The following OLA1 variants were observed in gnomAD, a reference collection of about 807,000 sequenced individuals.
OLA1 encodes the protein obg-like ATPase 1.
Under a neutral mutation model 48.4 loss-of-function variants are expected in OLA1, and 14 were observed. The observed-to-expected ratio is 0.29, with a 90% CI of 0.19 to 0.45. The LOEUF (loss-of-function observed/expected upper bound fraction) is 0.45. Ranked by LOEUF, OLA1 falls within the 20% of genes least tolerant of loss-of-function variation. OLA1 has a pLI of 1.00. For missense variants in OLA1, 325 were observed against 467.1 expected (o/e 0.70, Z 2.80); for synonymous variants, 127 against 150.4 (o/e 0.84, Z 1.14).
At chr2:174,091,751 G>A (rs956189267) in intron 7 of OLA1, among the ~76,000 whole-genome samples, 6 of 151,342 alleles carry the variant, frequency 4.0e-5, no homozygotes, top group Admixed American at 2.6e-4. Flanking sequence ...GCGGGCACCT[G>A]TAGTCCCAGC....
intron 4 of OLA1, among the ~76,000 whole-genome samples, chr2:174,144,943 A>ATATATATATATATAT (rs1436750497): frequency 5.7e-5 from 4 of 69,922 alleles, no homozygotes; most frequent in African/African-American, 1.4e-4. Context: ...AAAAAAAAAA[A>ATATATATATATATAT]AAAAAAAAAT....
chr2:174,150,377 G>C (rs726622), intron 4 of OLA1, among the ~76,000 whole-genome samples: 80,794 of 151,994 alleles, frequency 0.53, 22,057 homozygotes, highest in East Asian at 0.95. Flanking sequence ...AGCCCGCTGA[G>C]CTTGTACTTT....
intron 4 of OLA1, among the ~76,000 whole-genome samples, chr2:174,168,064 T>C (rs1687209336): frequency 6.6e-6 from 1 of 152,186 alleles, no homozygotes; most frequent in East Asian, 1.9e-4. Context: ...GGGAATTATA[T>C]GAAGGAAATT....
At chr2:174,237,216 A>C (rs990768371) in intron 2 of OLA1, among the ~76,000 whole-genome samples, 3 of 151,878 alleles carry the variant, frequency 2.0e-5, no homozygotes, top group Non-Finnish European at 2.9e-5. Context: ...AAACACCGAG[A>C]CATAAACACA....
intron 7 of OLA1, among the ~76,000 whole-genome samples, chr2:174,093,280 C>G (rs1384598062): frequency 6.6e-6 from 1 of 151,958 alleles, no homozygotes; most frequent in East Asian, 1.9e-4. Flanking sequence ...GACCCCATCT[C>G]TATGAATAAA....
chr2:174,230,482 C>G (rs1275062329), intron 2 of OLA1, among the ~76,000 whole-genome samples: 3 of 152,116 alleles, frequency 2.0e-5, no homozygotes, highest in Non-Finnish European at 4.4e-5. Flanking sequence ...CATCCCCTAA[C>G]AAATTAATGG....
intron 4 of OLA1, among the ~76,000 whole-genome samples, chr2:174,221,348 C>T (rs930181536): frequency 7.9e-5 from 12 of 152,098 alleles, no homozygotes; most frequent in Admixed American, 7.9e-4. Context: ...TTATTACCAA[C>T]ATCATCAGGA....
At chr2:174,164,747 TAGCTCCCCA>T (rs1291461591) in intron 4 of OLA1, among the ~76,000 whole-genome samples, 2 of 152,226 alleles carry the variant, frequency 1.3e-5, no homozygotes, top group Non-Finnish European at 2.9e-5. Flanking sequence ...TACTCTCTTC[TAGCTCCCCA>T]ACTACTGCTT....
intron 4 of OLA1, among the ~76,000 whole-genome samples, chr2:174,213,346 G>C (rs1169416200): frequency 6.6e-6 from 1 of 152,150 alleles, no homozygotes; most frequent in Non-Finnish European, 1.5e-5. Flanking sequence ...TGAATAGCCT[G>C]ACAGTAGGTA....
chr2:174,232,287 C>T (rs1044594210), intron 2 of OLA1, among the ~76,000 whole-genome samples: 1 of 152,176 alleles, frequency 6.6e-6, no homozygotes, highest in Non-Finnish European at 1.5e-5. Flanking sequence ...CAAATTCCCA[C>T]AGCATTCTGA....
chr2:174,198,204 G>A (rs13415125), intron 4 of OLA1, among the ~76,000 whole-genome samples: 7,277 of 152,052 alleles, frequency 0.048, 597 homozygotes, highest in African/African-American at 0.17. Context: ...CTTGTGATCC[G>A]CCTGCCTTGG....
At chr2:174,169,736 C>G (rs1387517278) in intron 4 of OLA1, among the ~76,000 whole-genome samples, 2 of 152,130 alleles carry the variant, frequency 1.3e-5, no homozygotes, top group Non-Finnish European at 2.9e-5. Flanking sequence ...AGAAAAGCAT[C>G]AAAAATGGCA....
intron 7 of OLA1, among the ~76,000 whole-genome samples, chr2:174,121,533 A>G (rs1685915124): frequency 6.6e-6 from 1 of 151,506 alleles, no homozygotes; most frequent in Non-Finnish European, 1.5e-5. Context: ...CCCCCAAGAC[A>G]TACACACACC....
At chr2:174,149,609 T>C (rs957164143) in intron 4 of OLA1, among the ~76,000 whole-genome samples, 2 of 152,216 alleles carry the variant, frequency 1.3e-5, no homozygotes, top group Non-Finnish European at 1.5e-5. Flanking sequence ...TTTCTGTACC[T>C]CCCTTACTGA....
At position 174,115,538 on chromosome 2, in the gene OLA1, A is replaced by G. The variant is rs145294591; in HGVS notation, c.728+7642T>C. On this transcript the variant is annotated intron_variant, in intron 7 of 10. Coordinates refer to ENST00000284719, the MANE Select transcript of OLA1 (RefSeq NM_013341.5). ...TTTAGAACATGTTTAAAATGTTTCA[A>G]TGGTATGTACTTAAATAAAAACATA... is the stretch of plus-strand genomic sequence containing the variant. Among the ~76,000 whole-genome samples, 541 of 152,344 alleles carry G rather than the reference A, an allele frequency of 3.6e-3. 2 individuals carry two copies. The highest frequency in any genetic ancestry group is 0.012 in the African/African-American group (516 of 41,584).
intron 7 of OLA1, among the ~76,000 whole-genome samples, chr2:174,095,502 C>T (rs1254312184): frequency 3.3e-5 from 5 of 151,906 alleles, no homozygotes; most frequent in African/African-American, 1.2e-4. Flanking sequence ...AATGTCTACT[C>T]AAGTCCTCCG....
intron 4 of OLA1, among the ~76,000 whole-genome samples, chr2:174,212,892 A>C (rs1238275945): frequency 6.6e-6 from 1 of 152,194 alleles, no homozygotes; most frequent in Non-Finnish European, 1.5e-5. Context: ...ATAGCTCCGG[A>C]AGGACCTGCC....
At chr2:174,154,607 G>A (rs1342936943) in intron 4 of OLA1, among the ~76,000 whole-genome samples, 2 of 152,274 alleles carry the variant, frequency 1.3e-5, no homozygotes, top group African/African-American at 2.4e-5. Flanking sequence ...CCATACTTGA[G>A]TCATAGAGGA....
chr2:174,145,635 T>A (rs996532081), intron 4 of OLA1, among the ~76,000 whole-genome samples: 1 of 152,188 alleles, frequency 6.6e-6, no homozygotes, highest in Non-Finnish European at 1.5e-5. Flanking sequence ...GTAAAAAAAA[T>A]TAAAAACTGC....
Sources: gnomAD v4.1 joint callset for allele counts (sites outside exome capture counted in the v4.1 genomes callset) on GRCh38, gnomAD v4.1.1 for gene constraint, MANE v1.5 for transcripts, NCBI Gene and HGNC (gene_info 2026-07-23, HGNC 2026-07-21) for gene names.